PLEKHO2: variants seen among roughly 807,000 people sequenced by gnomAD.
PLEKHO2 encodes the protein pleckstrin homology domain-containing family O member 2.
PLEKHO2 carries 20 observed loss-of-function variants against 32.7 expected under a neutral mutation model. That is an observed-to-expected ratio of 0.61 (90% CI 0.43 to 0.89). The LOEUF (loss-of-function observed/expected upper bound fraction) is 0.89, where lower values mean the gene tolerates loss of function less well. Among genes scored for constraint, PLEKHO2 ranks in the 40% least tolerant of loss-of-function variants. The probability of loss-of-function intolerance (pLI) is 0.00; values close to 1 mark genes in which losing one functional copy is unlikely to be tolerated. For synonymous variants in PLEKHO2, 247 were observed against 246.3 expected, an observed-to-expected ratio of 1.00 and a Z score of -0.03; for missense variants, 568 against 621.2, an observed-to-expected ratio of 0.91 and a Z score of 0.91.
chr15:64,843,711 G>GGCTCCTCCTCAGC (rs2084502758), intron 1 of PLEKHO2, among the ~76,000 whole-genome samples: 2 of 151,816 alleles, frequency 1.3e-5, no homozygotes, highest in African/African-American at 4.8e-5. Flanking sequence ...CTCCTGAATA[G>GGCTCCTCCTCAGC]CTGGGATTAC....
In PLEKHO2 at chr15:64,864,955, T is replaced by G. The variant is rs139170770; in HGVS notation, c.540T>G (p.Ser180Arg). 1.9e-6 allele frequency: 3 copies of G among 1,614,078 alleles called. No individual in the cohort carries two copies. The highest frequency in any genetic ancestry group is 8.5e-7 in the Non-Finnish European group (1 of 1,180,006). ...GCCTGGATCTTGATGTTCCGGACAG[T>G]GGGCCACCAGTGTTTGCCCCCAGCA... is the stretch of plus-strand genomic sequence containing the variant. ...LLRLDLDVPD[S>R]GPPVFAPSNH... The change falls in exon 6 of 6, where the codon AGT (serine) becomes AGG (arginine). Residue 180 changes from serine (S) to arginine (R), a missense_variant. Physicochemically the swap from Ser to Arg is moderately radical, Grantham distance 110. Coordinates refer to ENST00000323544, the MANE Select transcript of PLEKHO2 (RefSeq NM_025201.5).
intron 5 of PLEKHO2, among the ~76,000 whole-genome samples, chr15:64,862,213 A>G (rs554959367): frequency 6.6e-6 from 1 of 151,678 alleles, no homozygotes; most frequent in African/African-American, 2.4e-5. Flanking sequence ...AGGAAGGGAG[A>G]GTGCGTTTCA....
chr15:64,865,961 A>G lies in PLEKHO2; in HGVS notation c.*73A>G, dbSNP rs2140347646. 1 of 1,509,374 alleles carries G rather than the reference A, an allele frequency of 6.6e-7. No individual in the cohort carries two copies. The highest frequency in any genetic ancestry group is 2.3e-5 in the East Asian group (1 of 43,548). 93.5% of individuals were successfully genotyped at this position (1,509,374 alleles called of 1,614,324 possible). On this transcript the variant is annotated 3_prime_UTR_variant, in exon 6 of 6. Transcript: ENST00000323544. ...CATCAAGGCCCAGCCCTGCTGAGAA[A>G]TGTGCTTCTGCTTCTACAGCAATGG...
At chr15:64,855,992 G>C (rs2084604100) in intron 3 of PLEKHO2, among the ~76,000 whole-genome samples, 1 of 152,098 alleles carries the variant, frequency 6.6e-6, no homozygotes, top group African/African-American at 2.4e-5. Flanking sequence ...CTGTGCAGGG[G>C]GTGGGGGCGC....
intron 4 of PLEKHO2, among the ~76,000 whole-genome samples, chr15:64,861,049 G>A (rs1379513382): frequency 6.6e-6 from 1 of 152,254 alleles, no homozygotes; most frequent in East Asian, 1.9e-4. Flanking sequence ...GACTCAAGGG[G>A]CAGAGGCCCT....
chr15:64,855,840 A>T (rs966919381), intron 3 of PLEKHO2, among the ~76,000 whole-genome samples: 32 of 152,158 alleles, frequency 2.1e-4, no homozygotes, highest in African/African-American at 7.5e-4. Context: ...GGGCTGAGTC[A>T]CAGAGGCTGG....
intron 2 of PLEKHO2, among the ~76,000 whole-genome samples, chr15:64,854,138 C>T (rs1197148499): frequency 6.6e-6 from 1 of 152,174 alleles, no homozygotes; most frequent in Admixed American, 6.5e-5. Context: ...GCTTGCTGGA[C>T]AGGCACCTGA....
At chr15:64,844,690 G>T (rs1485126992) in intron 1 of PLEKHO2, among the ~76,000 whole-genome samples, 1 of 152,164 alleles carries the variant, frequency 6.6e-6, no homozygotes, top group Non-Finnish European at 1.5e-5. Flanking sequence ...AAGGGGTTGA[G>T]GGGGCAGGGG....
At position 64,865,350 on chromosome 15, in the gene PLEKHO2, C is replaced by T. The variant is rs756610828; in HGVS notation, c.935C>T (p.Pro312Leu). The change falls in exon 6 of 6, where the codon CCC becomes CTC. Residue 312 changes from proline to leucine, a missense_variant. Transcript: ENST00000323544. ...AGGGAGGGTGGGAAGCCCCCTACAC[C>T]CCCACCCAAGATCTTATCAGAGAAA... ...APREGGKPPT[P>L]PPKILSEKLK... 2.5e-5 allele frequency: 41 copies of T among 1,613,706 alleles called. No homozygotes were observed. Among genetic ancestry groups the T allele is most frequent in the Non-Finnish European group, 3.4e-5 (40 of 1,179,822 alleles).
At chr15:64,844,866 A>G (rs1595826763) in intron 1 of PLEKHO2, among the ~76,000 whole-genome samples, 1 of 152,120 alleles carries the variant, frequency 6.6e-6, no homozygotes, top group African/African-American at 2.4e-5. Flanking sequence ...GTTAAGTGCT[A>G]TGTCTCTGCC....
chr15:64,865,611 C>T lies in PLEKHO2; in HGVS notation c.1196C>T (p.Pro399Leu), dbSNP rs370016813. ...CTTGGGGACTTGCTTGGGGAAGGCC[C>T]GCGGCATCCCTTGCAGCCCAGGGAA... is the stretch of plus-strand genomic sequence containing the variant. ...SSLGDLLGEG[P>L]RHPLQPRERL... Residue 399 changes from proline (P) to leucine (L), a missense_variant, in exon 6 of 6, where the codon CCG becomes CTG. Transcript: ENST00000323544. The T allele has an allele frequency of 1.5e-5, 25 of 1,614,220 alleles. No homozygotes were observed. Among genetic ancestry groups the T allele is most frequent in the Middle Eastern group, 1.6e-4 (1 of 6,062 alleles).
chr15:64,844,577 C>T (rs78031450), intron 1 of PLEKHO2, among the ~76,000 whole-genome samples: 9 of 152,294 alleles, frequency 5.9e-5, no homozygotes, highest in East Asian at 5.8e-4. Context: ...CACTTGCCCT[C>T]ACCATCTAGA....
rs140349459 is a variant in PLEKHO2, at chr15:64,865,747, C to T, written c.1332C>T (p.Leu444=). The change falls in exon 6 of 6, where the codon CTC becomes CTT. Residue 444 remains leucine, a synonymous_variant. Coordinates refer to ENST00000323544, the MANE Select transcript of PLEKHO2 (RefSeq NM_025201.5). Reference sequence around the variant, plus strand: ...CCCCTGTTAGTGCCGAAACATTGCTCAGCCAGGCTGTGGAGCAGCTGAGGC... The same window carrying T: ...CCCCTGTTAGTGCCGAAACATTGCTTAGCCAGGCTGTGGAGCAGCTGAGGC... The part of the protein sequence containing the change: ...EPAPVSAETL[L]SQAVEQLRQA... 3.3e-5 allele frequency: 54 copies of T among 1,614,214 alleles called. No individual in the cohort carries two copies. The East Asian group carries it at 1.1e-3, about 34-fold the overall frequency.
At chr15:64,846,477 C>A (rs2084523320) in intron 1 of PLEKHO2, among the ~76,000 whole-genome samples, 1 of 152,074 alleles carries the variant, frequency 6.6e-6, no homozygotes, top group African/African-American at 2.4e-5. Context: ...CACCGCCCGG[C>A]TATTTTTTGT....
chr15:64,853,391 C>G (rs755185047), intron 2 of PLEKHO2, among the ~76,000 whole-genome samples: 20 of 151,442 alleles, frequency 1.3e-4, no homozygotes, highest in Non-Finnish European at 2.4e-4. Flanking sequence ...ATTCTTCTGC[C>G]TCAGCCTCCC....
At position 64,843,611 on chromosome 15, in the gene PLEKHO2, G is replaced by A. The variant is rs182523955; in HGVS notation, c.12+1583G>A. Reference sequence around the variant, plus strand: ...TTTTTTTTTTTTGAGACGGAGTTTCGCTCTTGTTGCCCAGGCTGGAGTGCA... The same window carrying A: ...TTTTTTTTTTTTGAGACGGAGTTTCACTCTTGTTGCCCAGGCTGGAGTGCA... On this transcript the variant is annotated intron_variant, in intron 1 of 5. Coordinates refer to ENST00000323544, the MANE Select transcript of PLEKHO2 (RefSeq NM_025201.5). Among the ~76,000 whole-genome samples, 577 of 146,562 alleles carry A rather than the reference G, an allele frequency of 3.9e-3. 2 individuals carry two copies. The highest frequency in any genetic ancestry group is 0.01 in the Middle Eastern group (3 of 286).
chr15:64,853,028 A>G (rs2084579652), intron 2 of PLEKHO2, among the ~76,000 whole-genome samples: 1 of 149,996 alleles, frequency 6.7e-6, no homozygotes, highest in Non-Finnish European at 1.5e-5. Flanking sequence ...AATCCCAGCT[A>G]CTCGGGGGGC....
chr15:64,843,019 G>C (rs1310861474), intron 1 of PLEKHO2, among the ~76,000 whole-genome samples: 2 of 152,202 alleles, frequency 1.3e-5, no homozygotes, highest in Admixed American at 1.3e-4. Context: ...TGCCTCCTTG[G>C]ATGGGGAGGA....
At chr15:64,845,017 G>T (rs533146785) in intron 1 of PLEKHO2, among the ~76,000 whole-genome samples, 1 of 152,186 alleles carries the variant, frequency 6.6e-6, no homozygotes, top group Non-Finnish European at 1.5e-5. Context: ...TCAATGCCCC[G>T]GCACAGGACT....
Sources: allele counts gnomAD v4.1 joint callset (sites outside exome capture counted in the v4.1 genomes callset), GRCh38; gene constraint gnomAD v4.1.1; transcripts MANE v1.5; gene names NCBI Gene and HGNC (gene_info 2026-07-23, HGNC 2026-07-21).